The following DIABLO variants were observed in gnomAD, a reference collection of about 807,000 sequenced individuals.
DIABLO encodes diablo homolog, mitochondrial.
Under a neutral mutation model 31.7 loss-of-function variants are expected in DIABLO, and 32 were observed. The observed-to-expected ratio is 1.01, with a 90% confidence interval of 0.76 to 1.35. DIABLO has a LOEUF of 1.35. Ranked by LOEUF, DIABLO falls within the 40% of genes most tolerant of loss-of-function variation. The pLI is 0.00. For missense variants in DIABLO, 316 were observed against 286.4 expected, an observed-to-expected ratio of 1.10 and a Z score of -0.75; for synonymous variants, 132 against 103.2, an observed-to-expected ratio of 1.28 and a Z score of -1.69.
chr12:122,211,152 C>T (rs1267988774), intron 5 of DIABLO, among the ~76,000 whole-genome samples: 1 of 141,788 alleles, frequency 7.1e-6, no homozygotes, highest in East Asian at 2.1e-4. Flanking sequence ...GTAATCCCAG[C>T]ACTTTGGGAG....
chr12:122,211,463 C>T (rs1459706528), intron 5 of DIABLO, among the ~76,000 whole-genome samples: 1 of 151,988 alleles, frequency 6.6e-6, no homozygotes, highest in Non-Finnish European at 1.5e-5. Flanking sequence ...GATCCTAGCA[C>T]TCTGGCAGGC....
Position 122,216,780 on chromosome 12 carries a change from C to T in DIABLO, c.405G>A (p.Val135=). The T allele has an allele frequency of 1.9e-6, 3 of 1,614,188 alleles. No individual in the cohort carries two copies. The highest frequency in any genetic ancestry group is 2.5e-6 in the Non-Finnish European group (3 of 1,180,036). The change falls in exon 4 of 6, where the codon GTG becomes GTA. Residue 135 remains valine (V), a synonymous_variant. Transcript: ENST00000464942. ...NSEEEDEVWQ[V]IIGARAEMTS... The stretch of plus-strand genomic sequence containing the variant: ...TTACCTCAGCTCTGGCTCCTATGAT[C>T]ACCTGCCACACTTCATCTTCCTCCT...
chr12:122,216,928 G>C (rs1369741723), intron 3 of DIABLO, 59 bp from the exon 4 acceptor site: 14 of 1,432,838 alleles, frequency 9.8e-6, no homozygotes, highest in Non-Finnish European at 1.3e-5. Flanking sequence ...AGAAGGAATA[G>C]AGAGATTTCC....
At chr12:122,225,871 C>G (rs1040714582) in intron 1 of DIABLO, 94 bp downstream of exon 1, 11 of 1,541,370 alleles carry the variant, frequency 7.1e-6, no homozygotes, top group Non-Finnish European at 9.6e-6. Flanking sequence ...GAGATGAGCG[C>G]GTAAGGAAGG....
At chr12:122,210,555 T>A (rs550181775) in intron 5 of DIABLO, among the ~76,000 whole-genome samples, 95 of 151,974 alleles carry the variant, frequency 6.3e-4, no homozygotes, top group Admixed American at 2.0e-3. Context: ...TTATTTTTTT[T>A]ATTTTAGTAG....
chr12:122,224,503 C>G lies in DIABLO; in HGVS notation c.183+9G>C. 1 of 1,613,798 alleles carries G rather than the reference C, an allele frequency of 6.2e-7. No homozygotes were observed. The highest frequency in any genetic ancestry group is 8.5e-7 in the Non-Finnish European group (1 of 1,179,954). On this transcript the variant is annotated intron_variant, in intron 2 of 5. Coordinates refer to ENST00000464942, the MANE Select transcript of DIABLO (RefSeq NM_001371333.1). ...TACACTAGATAAGAATCACTGCACA[C>G]GACAGTACCTGTGCAATAGGAACCG...
Position 122,207,831 on chromosome 12 carries a change from TTC to T in DIABLO, c.*548_*549del. ...GCACCAGGTAAACACTCTGCACCCC[TTC>T]TCTTAGTAGTAATAGGTTTTTCACT... On this transcript the variant is annotated 3_prime_UTR_variant, in exon 6 of 6. Coordinates refer to ENST00000464942, the MANE Select transcript of DIABLO (RefSeq NM_001371333.1). The T allele has an allele frequency of 2.2e-6, 1 of 462,136 alleles. No homozygotes were observed. The highest frequency in any genetic ancestry group is 1.5e-5 in the South Asian group (1 of 64,550). The allele number at this position is 462,136 out of a possible 1,614,324, so 28.6% of individuals were successfully genotyped here.
chr12:122,219,484 C>T (rs1255600738), intron 2 of DIABLO, among the ~76,000 whole-genome samples: 3 of 151,980 alleles, frequency 2.0e-5, no homozygotes, highest in African/African-American at 7.2e-5. Context: ...TGGGGGCATG[C>T]AGAAGGGAGC....
At position 122,208,009 on chromosome 12, in the gene DIABLO, G is replaced by C. The variant is rs968285691; in HGVS notation, c.*372C>G. Reference sequence around the variant, plus strand: ...AGGGAACAAGTACTAAATCATTTTTGACGACGTAAATAAGACTGAAAACAG... The same window carrying C: ...AGGGAACAAGTACTAAATCATTTTTCACGACGTAAATAAGACTGAAAACAG... On this transcript the variant is annotated 3_prime_UTR_variant, in exon 6 of 6. Coordinates refer to ENST00000464942, the MANE Select transcript of DIABLO (RefSeq NM_001371333.1). 7 of 488,442 alleles carry C rather than the reference G, an allele frequency of 1.4e-5. No individual in the cohort carries two copies. The highest frequency in any genetic ancestry group is 2.4e-5 in the Non-Finnish European group (6 of 250,388). 30.3% of individuals were successfully genotyped at this position (488,442 alleles called of 1,614,324 possible).
At chr12:122,218,165 G>A (rs986873134) in intron 3 of DIABLO, 101 bp downstream of exon 3, 1 of 1,396,354 alleles carries the variant, frequency 7.2e-7, no homozygotes, top group African/African-American at 1.4e-5. Context: ...GCCTGGCTAT[G>A]TTTCAATCAA....
intron 2 of DIABLO, chr12:122,218,662 CG>C (rs2136099534): frequency 9.3e-6 from 4 of 430,396 alleles, no homozygotes; most frequent in South Asian, 6.3e-5. Flanking sequence ...TAAATTGTGG[CG>C]GGGTACGGTG....
At chr12:122,224,698 C>G (rs367925012) in intron 1 of DIABLO, 54 bp from the exon 2 acceptor site, 2 of 1,613,868 alleles carry the variant, frequency 1.2e-6, no homozygotes, top group South Asian at 2.2e-5. Context: ...GTAACAGGCT[C>G]TTGGATTTAC....
chr12:122,210,868 G>A (rs1012915351), intron 5 of DIABLO, among the ~76,000 whole-genome samples: 2 of 149,632 alleles, frequency 1.3e-5, no homozygotes, highest in Admixed American at 1.3e-4. Context: ...GCAAAACTCT[G>A]TTTCTACTAA....
At chr12:122,210,128 G>A (rs538198750) in intron 5 of DIABLO, among the ~76,000 whole-genome samples, 8 of 152,102 alleles carry the variant, frequency 5.3e-5, no homozygotes, top group South Asian at 2.1e-4. Flanking sequence ...TTTGATTTAC[G>A]GCTACATTTT....
chr12:122,209,318 G>A (rs981619512), intron 5 of DIABLO, among the ~76,000 whole-genome samples: 1 of 151,656 alleles, frequency 6.6e-6, no homozygotes, highest in East Asian at 1.9e-4. Context: ...AGCCAAGATC[G>A]TGCCACTGCA....
intron 5 of DIABLO, among the ~76,000 whole-genome samples, chr12:122,214,020 G>T (rs1954147256): frequency 6.6e-6 from 1 of 152,096 alleles, no homozygotes; most frequent in African/African-American, 2.4e-5. Context: ...GGGAGGTGGA[G>T]GTTGCAGTGA....
chr12:122,217,138 G>C (rs1954232444), intron 3 of DIABLO: 1 of 407,912 alleles, frequency 2.5e-6, no homozygotes, highest in South Asian at 2.3e-5. Context: ...AAAGGTTGAG[G>C]GGAAAAAAGC....
intron 2 of DIABLO, chr12:122,218,783 A>C: frequency 3.5e-6 from 1 of 284,622 alleles, no homozygotes; most frequent in Non-Finnish European, 6.7e-6. Context: ...CTACTAAAAA[A>C]ATACAAAAAT....
intron 2 of DIABLO, chr12:122,218,827 C>A: frequency 4.4e-6 from 1 of 228,330 alleles, no homozygotes; most frequent in Non-Finnish European, 8.7e-6. Context: ...TCTTTAATCC[C>A]AGCTACTCGG....
Sources: allele counts gnomAD v4.1 joint callset (sites outside exome capture counted in the v4.1 genomes callset), GRCh38; gene constraint gnomAD v4.1.1; transcripts MANE v1.5; gene names NCBI Gene and HGNC (gene_info 2026-07-23, HGNC 2026-07-21).